The following USP14 variants were observed in gnomAD, a reference collection of about 807,000 sequenced individuals.
USP14 encodes the protein ubiquitin carboxyl-terminal hydrolase 14.
Under a neutral mutation model 76.5 loss-of-function variants are expected in USP14, and 38 were observed. The ratio of observed to expected loss-of-function variants is 0.50; its 90% CI spans 0.38 to 0.65. The LOEUF is 0.65. Ranked by LOEUF, USP14 falls within the 30% of genes least tolerant of loss-of-function variation. The probability of loss-of-function intolerance (pLI) is 0.00; values close to 1 mark genes in which losing one functional copy is unlikely to be tolerated. For missense variants in USP14, 467 were observed against 586.5 expected, an observed-to-expected ratio of 0.80 and a Z score of 2.10; for synonymous variants, 192 against 191.7, an observed-to-expected ratio of 1.00 and a Z score of -0.01.
chr18:165,156 C>T (rs1405549298), intron 2 of USP14, among the ~76,000 whole-genome samples: 4 of 151,820 alleles, frequency 2.6e-5, no homozygotes, highest in Admixed American at 6.6e-5. Context: ...ACCATGTTGG[C>T]GCTGGTCTCG....
chr18:158,929 A>T, intron 1 of USP14: 2 of 618,142 alleles, frequency 3.2e-6, no homozygotes, highest in Non-Finnish European at 4.7e-6. Flanking sequence ...TGAGCCACCG[A>T]TGGGTGGGGG....
intron 7 of USP14, 130 bp downstream of exon 7, chr18:196,897 G>T (rs1910252507): frequency 8.5e-7 from 1 of 1,172,702 alleles, no homozygotes; most frequent in African/African-American, 1.6e-5. Flanking sequence ...GCTGTCTCTT[G>T]CCTGGAGCCG....
intron 5 of USP14, among the ~76,000 whole-genome samples, chr18:186,743 CTG>C (rs763196556): frequency 2.0e-4 from 30 of 151,688 alleles, no homozygotes; most frequent in Non-Finnish European, 3.5e-4. Flanking sequence ...CAGAGGGAGA[CTG>C]TGTCTCAAAA....
chr18:207,061 T>C (rs1910550196), intron 13 of USP14, among the ~76,000 whole-genome samples: 1 of 146,652 alleles, frequency 6.8e-6, no homozygotes, highest in East Asian at 1.9e-4. Context: ...CACCATTTTT[T>C]AAGAAGACTG....
At chr18:191,579 C>T (rs994691388) in intron 5 of USP14, among the ~76,000 whole-genome samples, 3 of 152,124 alleles carry the variant, frequency 2.0e-5, no homozygotes, top group Non-Finnish European at 4.4e-5. Flanking sequence ...CTCAGTTAAT[C>T]CTTATCCTCT....
chr18:167,870 A>G (rs1909318648), intron 3 of USP14, among the ~76,000 whole-genome samples: 1 of 151,924 alleles, frequency 6.6e-6, no homozygotes, highest in Non-Finnish European at 1.5e-5. Flanking sequence ...GCTGCTTAAA[A>G]TAATATTAAA....
At chr18:191,538 C>T (rs1045617557) in intron 5 of USP14, among the ~76,000 whole-genome samples, 1 of 152,158 alleles carries the variant, frequency 6.6e-6, no homozygotes, top group Non-Finnish European at 1.5e-5. Flanking sequence ...ACATTTCTAT[C>T]ATCTCAGAAA....
At chr18:171,600 CATAAACGAG>C (rs2144221158) in intron 3 of USP14, among the ~76,000 whole-genome samples, 1 of 152,264 alleles carries the variant, frequency 6.6e-6, no homozygotes, top group Non-Finnish European at 1.5e-5. Flanking sequence ...TTTTGAGAGA[CATAAACGAG>C]ATGAATGTTG....
intron 2 of USP14, among the ~76,000 whole-genome samples, chr18:164,565 T>A (rs1450973260): frequency 1.3e-5 from 2 of 152,138 alleles, no homozygotes; most frequent in Non-Finnish European, 2.9e-5. Context: ...GCGATTCTTA[T>A]GCCTCAGCCT....
rs1910669019 is a variant in USP14 at position 211,476 on chromosome 18, TTG to T, written c.*195_*196del. ...CAGAGAAGAGAAAATTATCTTTGGA[TTG>T]TGCTGCCCTATATAAAGGTGGCAGA... On this transcript the variant is annotated 3_prime_UTR_variant, in exon 16 of 16. Transcript: ENST00000261601. 6 of 506,214 alleles carry T rather than the reference TTG, an allele frequency of 1.2e-5. No homozygotes were observed. In the South Asian group the frequency reaches 2.5e-4, roughly 21 times the overall value. The allele number at this position is 506,214 out of a possible 1,614,324, so 31.4% of individuals were successfully genotyped here.
chr18:162,044 C>G (rs567805698), intron 1 of USP14, among the ~76,000 whole-genome samples: 7 of 152,328 alleles, frequency 4.6e-5, no homozygotes, highest in African/African-American at 1.7e-4. Flanking sequence ...TAACCAGAAT[C>G]ATCCATGTTG....
intron 5 of USP14, among the ~76,000 whole-genome samples, chr18:191,475 C>T (rs1215027683): frequency 1.3e-5 from 2 of 152,098 alleles, no homozygotes; most frequent in Non-Finnish European, 2.9e-5. Context: ...TTGGTTTGAT[C>T]AGTTTTGACA....
At chr18:193,028 C>G in intron 6 of USP14, 128 bp downstream of exon 6, 1 of 574,292 alleles carries the variant, frequency 1.7e-6, no homozygotes, top group Non-Finnish European at 2.8e-6. Flanking sequence ...GTACATTATA[C>G]TTAAGTTAAA....
intron 5 of USP14, among the ~76,000 whole-genome samples, chr18:188,668 G>T (rs561036754): frequency 2.0e-4 from 31 of 151,246 alleles, no homozygotes; most frequent in African/African-American, 7.5e-4. Context: ...GCTTTTTTGG[G>T]GTATTTTATT....
Position 158,695 on chromosome 18 carries a change from C to A in USP14, c.-4C>A. 1 of 1,534,236 alleles carries A rather than the reference C, an allele frequency of 6.5e-7. No individual in the cohort carries two copies. The highest frequency in any genetic ancestry group is 1.2e-5 in the South Asian group (1 of 83,480). On this transcript the variant is annotated 5_prime_UTR_variant, in exon 1 of 16. Transcript: ENST00000261601. ...TGCGCCGCCGCCTCCCGCCGCGCCC[C>A]GCCATGCCGCTCTACTCCGGTGAGC... is the stretch of plus-strand genomic sequence containing the variant.
chr18:204,631 T>C lies in USP14; in HGVS notation c.1103T>C (p.Val368Ala). 6.2e-7 allele frequency: 1 copy of C among 1,613,454 alleles called. No individual in the cohort carries two copies. Among genetic ancestry groups the C allele is most frequent in the Non-Finnish European group, 8.5e-7 (1 of 1,179,766 alleles). ...ACACCAGAACTTCAAGAGAAAATGG[T>C]GTCTTTTCGATCCAAATTCAAGGAT... ...LCTPELQEKM[V>A]SFRSKFKDLE... Residue 368 changes from valine to alanine, a missense_variant, in exon 13 of 16, where the codon GTG becomes GCG. Val to Ala is a moderately conservative substitution (Grantham distance 64). Transcript: ENST00000261601.
chr18:190,357 T>G (rs546977109), intron 5 of USP14, among the ~76,000 whole-genome samples: 2 of 152,276 alleles, frequency 1.3e-5, no homozygotes, highest in East Asian at 1.9e-4. Context: ...CATAAAAGGA[T>G]TTATATATTC....
Position 210,398 on chromosome 18 carries a change from A to G in USP14, c.1238A>G (p.Asn413Ser), listed in dbSNP as rs61734347. Residue 413 changes from asparagine to serine, a missense_variant, in exon 15 of 16, where the codon AAT becomes AGT. Physicochemically the swap from Asn to Ser is conservative, Grantham distance 46. Transcript: ENST00000261601. The stretch of plus-strand genomic sequence containing the variant: ...CATCTTTCTTTAGATATTGGCTCCA[A>G]TAATTGTGGATACTATGACTTACAA... Reference protein sequence around the residue: ...PFSFADDIGSNNCGYYDLQAV... With the variant: ...PFSFADDIGSSNCGYYDLQAV... 280 of 1,604,120 alleles carry G rather than the reference A, an allele frequency of 1.7e-4. No individual in the cohort carries two copies. Among genetic ancestry groups the G allele is most frequent in the Middle Eastern group, 8.3e-4 (5 of 6,032 alleles).
At chr18:195,649 C>G (rs1302089882) in intron 6 of USP14, among the ~76,000 whole-genome samples, 1 of 152,164 alleles carries the variant, frequency 6.6e-6, no homozygotes, top group Non-Finnish European at 1.5e-5. Flanking sequence ...AGTTTTGGTT[C>G]TTAGCTGTCC....
Sources: allele counts gnomAD v4.1 joint callset (sites outside exome capture counted in the v4.1 genomes callset), GRCh38; gene constraint gnomAD v4.1.1; transcripts MANE v1.5; gene names NCBI Gene and HGNC (gene_info 2026-07-23, HGNC 2026-07-21).